ATP6V1H: variants seen among roughly 807,000 people sequenced by gnomAD.
ATP6V1H encodes the protein V-type proton ATPase subunit H.
Under a neutral mutation model 71.7 loss-of-function variants are expected in ATP6V1H, and 39 were observed. The ratio of observed to expected loss-of-function variants is 0.54; its 90% CI spans 0.42 to 0.71. The LOEUF is 0.71. ATP6V1H is among the 30% of genes least tolerant of loss of function. The probability of loss-of-function intolerance (pLI) is 0.00; values close to 1 mark genes in which losing one functional copy is unlikely to be tolerated. For missense variants in ATP6V1H, 509 were observed against 594.9 expected (o/e 0.86, Z 1.50); for synonymous variants, 192 against 199.3 (o/e 0.96, Z 0.31).
intron 12 of ATP6V1H, among the ~76,000 whole-genome samples, chr8:53,744,858 T>C (rs958272160): frequency 6.6e-6 from 1 of 151,966 alleles, no homozygotes; most frequent in African/African-American, 2.4e-5. Flanking sequence ...ATTAGACAAG[T>C]CCTTTACCTG....
intron 4 of ATP6V1H, among the ~76,000 whole-genome samples, chr8:53,820,408 T>A (rs1293810087): frequency 1.3e-5 from 2 of 149,144 alleles, no homozygotes; most frequent in Non-Finnish European, 3.0e-5. Context: ...AAAAAAAAAA[T>A]CCAAGGGCAT....
intron 12 of ATP6V1H, among the ~76,000 whole-genome samples, chr8:53,746,222 A>G (rs757943860): frequency 5.3e-5 from 8 of 152,084 alleles, no homozygotes; most frequent in Non-Finnish European, 8.8e-5. Flanking sequence ...ACCAGCCAAT[A>G]AAATTTTGAA....
chr8:53,799,483 A>T (rs1193629708), intron 8 of ATP6V1H, among the ~76,000 whole-genome samples: 5 of 152,190 alleles, frequency 3.3e-5, no homozygotes, highest in Non-Finnish European at 7.3e-5. Context: ...TGCAGAAAAG[A>T]GTTAACAGCA....
At chr8:53,747,359 A>G (rs1807641073) in intron 12 of ATP6V1H, among the ~76,000 whole-genome samples, 1 of 152,178 alleles carries the variant, frequency 6.6e-6, no homozygotes, top group African/African-American at 2.4e-5. Context: ...GAGCACAGAA[A>G]CCATGCCTAT....
chr8:53,730,506 G>A (rs938212909), intron 13 of ATP6V1H, among the ~76,000 whole-genome samples: 1 of 152,050 alleles, frequency 6.6e-6, no homozygotes, highest in Non-Finnish European at 1.5e-5. Context: ...TATCATTTAA[G>A]AATCAATTTT....
Position 53,801,868 on chromosome 8 carries a change from C to A in ATP6V1H, c.608G>T (p.Gly203Val). Residue 203 changes from glycine to valine, a missense_variant, in exon 8 of 14, where the codon GGG (glycine) becomes GTG (valine). Physicochemically the swap from Gly to Val is moderately radical, Grantham distance 109. Coordinates refer to ENST00000359530, the MANE Select transcript of ATP6V1H (RefSeq NM_015941.4). ...DSSQYVQCVA[G>V]CLQLMLRVNE... ...GACCCGGAGCATCAGCTGCAAACAC[C>A]CGGCCACGCACTGCACATACTGCGA... is the stretch of plus-strand genomic sequence containing the variant. 6.2e-7 allele frequency: 1 copy of A among 1,613,848 alleles called. No individual in the cohort carries two copies. Among genetic ancestry groups the A allele is most frequent in the Non-Finnish European group, 8.5e-7 (1 of 1,179,928 alleles).
Position 53,756,600 on chromosome 8 carries a change from G to C in ATP6V1H, c.1232C>G (p.Ala411Gly). The C allele has an allele frequency of 6.2e-7, 1 of 1,614,094 alleles. No homozygotes were observed. Among genetic ancestry groups the C allele is most frequent in the Non-Finnish European group, 8.5e-7 (1 of 1,179,982 alleles). ...CCGCACATATTCTCCAACATCGTGA[G>C]CAGCAACAGCTAAGACTTGGGGATC... is the stretch of plus-strand genomic sequence containing the variant. ...SDDPQVLAVA[A>G]HDVGEYVRHY... The change falls in exon 12 of 14, where the codon GCT becomes GGT. Residue 411 changes from alanine to glycine, a missense_variant. Physicochemically the swap from Ala to Gly is moderately conservative, Grantham distance 60. This residue lies in a region of ATP6V1H where 212 missense variants were observed against 291.6 expected (regional missense o/e 0.73). Coordinates refer to ENST00000359530, the MANE Select transcript of ATP6V1H (RefSeq NM_015941.4).
intron 9 of ATP6V1H, among the ~76,000 whole-genome samples, chr8:53,784,108 GTC>G (rs1809275601): frequency 1.3e-5 from 2 of 152,072 alleles, no homozygotes; most frequent in African/African-American, 4.8e-5. Flanking sequence ...TTAACTTTCT[GTC>G]TAGTAGATCT....
chr8:53,755,718 ATATATATATATATATAT>A (rs1563451120), intron 12 of ATP6V1H, among the ~76,000 whole-genome samples: 2 of 5,068 alleles, frequency 3.9e-4, no homozygotes, highest in African/African-American at 2.3e-3. Context: ...ATATATATAT[ATATATATATATATATAT>A]ATATATATAT....
chr8:53,716,712 T>G (rs745940036), intron 13 of ATP6V1H, among the ~76,000 whole-genome samples: 1 of 152,180 alleles, frequency 6.6e-6, no homozygotes, highest in Non-Finnish European at 1.5e-5. Context: ...CCAATCCTTT[T>G]AGAGCACTCT....
intron 13 of ATP6V1H, among the ~76,000 whole-genome samples, chr8:53,733,205 G>GT (rs897018458): frequency 2.6e-5 from 4 of 152,340 alleles, no homozygotes; most frequent in Admixed American, 2.6e-4. Flanking sequence ...AGGACAGCTG[G>GT]TTCACCCGCC....
chr8:53,804,834 TA>T (rs1338845874), intron 7 of ATP6V1H, among the ~76,000 whole-genome samples: 16 of 152,220 alleles, frequency 1.1e-4, no homozygotes, highest in Non-Finnish European at 2.4e-4. Context: ...AGAAAAACAC[TA>T]TTTTCACTTC....
intron 13 of ATP6V1H, among the ~76,000 whole-genome samples, chr8:53,726,555 G>A (rs540928237): frequency 1.3e-5 from 2 of 152,226 alleles, no homozygotes; most frequent in Non-Finnish European, 2.9e-5. Flanking sequence ...AGGAACTTCA[G>A]AACATTATTT....
At chr8:53,815,181 G>T (rs1478578200) in intron 5 of ATP6V1H, among the ~76,000 whole-genome samples, 1 of 152,010 alleles carries the variant, frequency 6.6e-6, no homozygotes, top group Non-Finnish European at 1.5e-5. Flanking sequence ...AAGCCACTTG[G>T]GAGTTTTAAT....
intron 12 of ATP6V1H, among the ~76,000 whole-genome samples, chr8:53,749,456 C>CCA (rs1807718944): frequency 6.6e-6 from 1 of 152,140 alleles, no homozygotes; most frequent in South Asian, 2.1e-4. Flanking sequence ...GCCCTTGACC[C>CCA]CACAGCTTAC....
chr8:53,827,173 G>A (rs1442683506), intron 4 of ATP6V1H, among the ~76,000 whole-genome samples: 1 of 151,960 alleles, frequency 6.6e-6, no homozygotes, highest in Non-Finnish European at 1.5e-5. Flanking sequence ...CCTAAGGTCA[G>A]GAGTTTTGAG....
chr8:53,789,657 T>C (rs954650975), intron 9 of ATP6V1H, among the ~76,000 whole-genome samples: 33 of 152,252 alleles, frequency 2.2e-4, no homozygotes, highest in African/African-American at 7.7e-4. Flanking sequence ...CTGACTTCTA[T>C]TACAGCTCTT....
chr8:53,758,903 T>G lies in ATP6V1H; in HGVS notation c.1176-2247A>C, dbSNP rs143545831. ...CAGAAACAAAATGGTTCAAAAAGTC[T>G]AAAATATTTACTACCTTGGTCTTTC... On this transcript the variant is annotated intron_variant, in intron 11 of 13. Transcript: ENST00000359530. Among the ~76,000 whole-genome samples the G allele has an allele frequency of 1.2e-4, 18 of 152,322 alleles. No individual in the cohort carries two copies. In the East Asian group the frequency reaches 3.5e-3, roughly 29 times the overall value.
At chr8:53,773,259 G>A (rs1297557418) in intron 9 of ATP6V1H, among the ~76,000 whole-genome samples, 4 of 152,150 alleles carry the variant, frequency 2.6e-5, no homozygotes, top group African/African-American at 7.2e-5. Context: ...ATTATGAATA[G>A]ATAATGAATA....
Sources: allele counts gnomAD v4.1 joint callset (sites outside exome capture counted in the v4.1 genomes callset), GRCh38; gene constraint gnomAD v4.1.1; regional missense constraint gnomAD v4.1.1; transcripts MANE v1.5; gene names NCBI Gene and HGNC (gene_info 2026-07-23, HGNC 2026-07-21).